Variants in ADAM20 observed in about 807,000 individuals in gnomAD.
ADAM20 encodes the protein ADAM metallopeptidase domain 20.
For missense variants in ADAM20, 871 were observed against 883.2 expected (o/e 0.99, Z 0.18); for synonymous variants, 305 against 310.2 (o/e 0.98, Z 0.18).
In ADAM20 at chr14:70,523,109, G is replaced by T. The variant is rs1054328977; in HGVS notation, c.1649C>A (p.Thr550Lys). ...RFGHCGIVGTTYVKCWTPDIM... is the reference protein window; with the variant it reads ...RFGHCGIVGTKYVKCWTPDIM... ...ATCAGGGGTCCAACATTTTACATAT[G>T]TTGTGCCTACAATACCACAGTGACC... is the stretch of plus-strand genomic sequence containing the variant. The change falls in exon 2 of 2, where the codon ACA (threonine) becomes AAA (lysine). Residue 550 changes from threonine to lysine, a missense_variant. Coordinates refer to ENST00000256389, the MANE Select transcript of ADAM20 (RefSeq NM_003814.5). The T allele has an allele frequency of 6.2e-7, 1 of 1,613,996 alleles. No homozygotes were observed. Among genetic ancestry groups the T allele is most frequent in the South Asian group, 1.1e-5 (1 of 91,080 alleles).
At chr14:70,561,686 C>T in the ADAM20 span, among the ~76,000 whole-genome samples, 5 of 152,254 alleles carry the variant, frequency 3.3e-5, no homozygotes, top group Non-Finnish European at 7.3e-5. Context: ...GCATCCCAGC[C>T]ATTCCAGCTC....
the ADAM20 span, among the ~76,000 whole-genome samples, chr14:70,559,753 C>T: frequency 1.3e-5 from 2 of 152,134 alleles, no homozygotes; most frequent in African/African-American, 4.8e-5. Context: ...AAGCATACAC[C>T]CATCTCAGGG....
At chr14:70,567,050 T>C in the ADAM20 span, among the ~76,000 whole-genome samples, 3 of 152,068 alleles carry the variant, frequency 2.0e-5, no homozygotes, top group South Asian at 4.2e-4. Context: ...CACCAAACTG[T>C]TGGGAACCCC....
rs898281374 is a variant in ADAM20, at chr14:70,523,191, C to T, written c.1567G>A (p.Ala523Thr). 2 of 1,614,026 alleles carry T rather than the reference C, an allele frequency of 1.2e-6. No homozygotes were observed. The highest frequency in any genetic ancestry group is 2.2e-5 in the South Asian group (2 of 91,082). The change falls in exon 2 of 2, where the codon GCA (alanine) becomes ACA (threonine). Residue 523 changes from alanine to threonine, a missense_variant. Transcript: ENST00000256389. ...IQCKEIFGQD[A>T]RSASQSCYQE... is the part of the protein sequence containing the mutation. ...TAGCAACTCTGAGATGCACTCCTTG[C>T]ATCTTGGCCAAAAATCTCTTTACAT... is the stretch of plus-strand genomic sequence containing the variant.
Position 70,524,505 on chromosome 14 carries a change from C to T in ADAM20, c.253G>A (p.Ala85Thr), listed in dbSNP as rs752562055. 8 of 1,613,966 alleles carry T rather than the reference C, an allele frequency of 5.0e-6. No individual in the cohort carries two copies. Among genetic ancestry groups the T allele is most frequent in the Non-Finnish European group, 5.9e-6 (7 of 1,179,934 alleles). Residue 85 changes from alanine (A) to threonine (T), a missense_variant, in exon 2 of 2, where the codon GCA becomes ACA. Coordinates refer to ENST00000256389, the MANE Select transcript of ADAM20 (RefSeq NM_003814.5). Reference sequence around the variant, plus strand: ...GTGTAGGTGAACACAGGAAGGTGTGCAGCAAACAACAGCTTATTTACCCTC... The same window carrying T: ...GTGTAGGTGAACACAGGAAGGTGTGTAGCAAACAACAGCTTATTTACCCTC... ...HMRVNKLLFA[A>T]HLPVFTYTEQ...
chr14:70,559,016 T>G, the ADAM20 span, among the ~76,000 whole-genome samples: 5 of 152,210 alleles, frequency 3.3e-5, no homozygotes, highest in South Asian at 2.1e-4. Context: ...GATGATCTCA[T>G]CCATCTCATG....
At chr14:70,546,047 G>A in the ADAM20 span, among the ~76,000 whole-genome samples, 1 of 152,080 alleles carries the variant, frequency 6.6e-6, no homozygotes, top group African/African-American at 2.4e-5. Context: ...AATAATAAAT[G>A]GAATTTTGGA....
At chr14:70,530,409 T>C (rs1883686006) in intron 1 of ADAM20, among the ~76,000 whole-genome samples, 1 of 152,128 alleles carries the variant, frequency 6.6e-6, no homozygotes, top group South Asian at 2.1e-4. Context: ...AGCTAACTTT[T>C]AAAAAATATA....
upstream of ADAM20, among the ~76,000 whole-genome samples, chr14:70,538,196 C>T (rs1370640350): frequency 2.0e-5 from 3 of 152,134 alleles, no homozygotes; most frequent in Admixed American, 6.5e-5. Context: ...CCTTCTCCAC[C>T]TGCTACCCAT....
At chr14:70,541,288 A>G in the ADAM20 span, among the ~76,000 whole-genome samples, 4 of 152,346 alleles carry the variant, frequency 2.6e-5, no homozygotes, top group East Asian at 7.7e-4. Flanking sequence ...ATAAAATGCC[A>G]CTAATAAGCT....
the ADAM20 span, among the ~76,000 whole-genome samples, chr14:70,568,653 A>T: frequency 6.6e-6 from 1 of 152,226 alleles, no homozygotes; most frequent in Non-Finnish European, 1.5e-5. Context: ...AGGGTATGAA[A>T]GACAAGATAG....
intron 1 of ADAM20, among the ~76,000 whole-genome samples, chr14:70,525,949 A>T (rs1386834613): frequency 6.6e-6 from 1 of 152,148 alleles, no homozygotes; most frequent in Non-Finnish European, 1.5e-5. Flanking sequence ...TGGTCATGTC[A>T]ATACAGATTT....
chr14:70,568,492 T>C, the ADAM20 span, among the ~76,000 whole-genome samples: 1 of 152,122 alleles, frequency 6.6e-6, no homozygotes, highest in African/African-American at 2.4e-5. Context: ...TCCTGACACC[T>C]CCAAAGGATT....
At chr14:70,553,309 T>TAA in the ADAM20 span, among the ~76,000 whole-genome samples, 482 of 17,268 alleles carry the variant, frequency 0.028, 10 homozygotes, top group East Asian at 0.06. Flanking sequence ...TAGAGTATAA[T>TAA]AAAAAAAAAA....
chr14:70,564,429 A>T, the ADAM20 span, among the ~76,000 whole-genome samples: 2 of 150,804 alleles, frequency 1.3e-5, no homozygotes, highest in African/African-American at 4.9e-5. Flanking sequence ...TCTATAGTTT[A>T]TACTGTTCTG....
In ADAM20 at chr14:70,523,503, C is replaced by T; in HGVS notation, c.1255G>A (p.Glu419Lys). Residue 419 changes from glutamate (E) to lysine (K), a missense_variant, in exon 2 of 2, where the codon GAG (glutamate) becomes AAG (lysine). Glu to Lys is a moderately conservative substitution (Grantham distance 56). Transcript: ENST00000256389. ...CGTATGGTTCCACAGTCACATTCCT[C>T]CCCTTCTTCAACCACTAGATTCCCA... Reference protein sequence around the residue: ...YCGNLVVEEGEECDCGTIRQC... With the variant: ...YCGNLVVEEGKECDCGTIRQC... 1.2e-6 allele frequency: 2 copies of T among 1,614,084 alleles called. No individual in the cohort carries two copies. The highest frequency in any genetic ancestry group is 2.2e-5 in the East Asian group (1 of 44,884).
At chr14:70,543,373 C>T in the ADAM20 span, among the ~76,000 whole-genome samples, 3 of 152,204 alleles carry the variant, frequency 2.0e-5, no homozygotes, top group Admixed American at 1.3e-4. Flanking sequence ...TAGCATTTTG[C>T]TTAATTATTA....
At chr14:70,533,396 C>T (rs900078286) in intron 1 of ADAM20, among the ~76,000 whole-genome samples, 17 of 152,126 alleles carry the variant, frequency 1.1e-4, no homozygotes, top group African/African-American at 4.1e-4. Flanking sequence ...GTGGCACATA[C>T]ATACCATGGA....
chr14:70,522,569 C>G lies in ADAM20; in HGVS notation c.*8G>C, dbSNP rs1262354182. The G allele has an allele frequency of 6.4e-7, 1 of 1,558,090 alleles. No individual in the cohort carries two copies. Among genetic ancestry groups the G allele is most frequent in the Non-Finnish European group, 8.7e-7 (1 of 1,154,888 alleles). ...TAAAGTTTAGTCTCCTTCTTTTTCC[C>G]ATTTCTCTTATCCTTCTTCATCTTC... On this transcript the variant is annotated 3_prime_UTR_variant, in exon 2 of 2. Coordinates refer to ENST00000256389, the MANE Select transcript of ADAM20 (RefSeq NM_003814.5).
Sources: gnomAD v4.1 joint callset for allele counts (sites outside exome capture counted in the v4.1 genomes callset) on GRCh38, gnomAD v4.1.1 for gene constraint, MANE v1.5 for transcripts, NCBI Gene and HGNC (gene_info 2026-07-23, HGNC 2026-07-21) for gene names.